The following SLC24A2 variants were observed in gnomAD, a reference collection of about 807,000 sequenced individuals.
SLC24A2 encodes sodium/potassium/calcium exchanger 2.
Under a neutral mutation model 62.0 loss-of-function variants are expected in SLC24A2, and 36 were observed. That is an observed-to-expected ratio of 0.58 (90% CI 0.44 to 0.77). The LOEUF is 0.77. SLC24A2 is among the 30% of genes least tolerant of loss of function. The pLI is 0.00. For synonymous variants in SLC24A2, 358 were observed against 294.0 expected (o/e 1.22, Z -2.23); for missense variants, 846 against 817.9 (o/e 1.03, Z -0.42).
rs1453920125 is a variant in SLC24A2, at chr9:19,788,731, G to A, written c.-154+154C>T. On this transcript the variant is annotated intron_variant, in intron 1 of 10. Transcript: ENST00000341998. ...AAATCCACGCCCCGGAGCACAGAGA[G>A]TTGGCTAACTCCTAGCGGGGCCTGG... 6.1e-6 allele frequency: 6 copies of A among 985,334 alleles called. No homozygotes were observed. The African/African-American group carries it at 7.0e-5, about 11-fold the overall frequency. The allele number at this position is 985,334 out of a possible 1,614,324, so 61.0% of individuals were successfully genotyped here.
At chr9:20,142,007 T>G in the SLC24A2 span, among the ~76,000 whole-genome samples, 2 of 152,082 alleles carry the variant, frequency 1.3e-5, no homozygotes, top group Non-Finnish European at 2.9e-5. Flanking sequence ...TATTGGAACC[T>G]GGGAGGCAGA....
the SLC24A2 span, among the ~76,000 whole-genome samples, chr9:20,091,507 C>A: frequency 6.6e-6 from 1 of 151,838 alleles, no homozygotes; most frequent in Non-Finnish European, 1.5e-5. Flanking sequence ...CACCTCTCAG[C>A]AGAAACCCTA....
the SLC24A2 span, among the ~76,000 whole-genome samples, chr9:20,285,695 G>C: frequency 6.6e-6 from 1 of 152,360 alleles, no homozygotes; most frequent in South Asian, 2.1e-4. Context: ...TCTGGGTCCA[G>C]TCAAGTTGAC....
intron 2 of SLC24A2, among the ~76,000 whole-genome samples, chr9:19,744,399 G>T (rs1309264242): frequency 6.6e-6 from 1 of 152,080 alleles, no homozygotes; most frequent in Non-Finnish European, 1.5e-5. Context: ...AGCATCTTCA[G>T]TTCTTCTCTA....
At position 19,688,423 on chromosome 9, in the gene SLC24A2, C is replaced by T. The variant is rs527777162; in HGVS notation, c.931-66124G>A. ...TGGGTATCATTTGGTAGACTTACTA[C>T]ACATTTGTTAATCTTTGTTTGAACA... On this transcript the variant is annotated intron_variant, in intron 2 of 10. Transcript: ENST00000341998. 6.6e-5 allele frequency among the ~76,000 whole-genome samples: 10 copies of T among 152,228 alleles called. No homozygotes were observed. In the South Asian group the frequency reaches 8.3e-4, roughly 13 times the overall value.
intron 4 of SLC24A2, among the ~76,000 whole-genome samples, chr9:19,618,935 T>C (rs570918769): frequency 3.3e-5 from 5 of 152,334 alleles, no homozygotes; most frequent in African/African-American, 7.2e-5. Context: ...TTTGGCCTCA[T>C]TGTGACTGAG....
chr9:19,954,247 C>A, the SLC24A2 span, among the ~76,000 whole-genome samples: 1 of 152,058 alleles, frequency 6.6e-6, no homozygotes, highest in Non-Finnish European at 1.5e-5. Context: ...ATAGCAGAGT[C>A]CTGGGGATAC....
At chr9:19,588,178 C>CTTTTTTTT (rs3085622) in intron 5 of SLC24A2, among the ~76,000 whole-genome samples, 18 of 121,642 alleles carry the variant, frequency 1.5e-4, no homozygotes, top group Admixed American at 2.5e-4. Flanking sequence ...TTCTTTTTTT[C>CTTTTTTTT]TTTTTTTTTT....
At chr9:20,290,536 C>T in the SLC24A2 span, among the ~76,000 whole-genome samples, 2 of 152,208 alleles carry the variant, frequency 1.3e-5, no homozygotes, top group African/African-American at 2.4e-5. Flanking sequence ...CTGGCTGGTG[C>T]AAAATGTGTG....
the SLC24A2 span, among the ~76,000 whole-genome samples, chr9:20,019,244 A>G: frequency 1.4e-5 from 2 of 146,422 alleles, no homozygotes; most frequent in Admixed American, 1.4e-4. Context: ...AGAAAAAGAA[A>G]GAAGGAAAGA....
the SLC24A2 span, among the ~76,000 whole-genome samples, chr9:20,069,365 G>T: frequency 6.6e-6 from 1 of 152,036 alleles, no homozygotes; most frequent in Admixed American, 6.6e-5. Flanking sequence ...TAATCTTCCC[G>T]TGACAGCACT....
chr9:19,592,495 C>CACCTACCT (rs34178915), intron 5 of SLC24A2, among the ~76,000 whole-genome samples: 5 of 70,580 alleles, frequency 7.1e-5, no homozygotes, highest in South Asian at 3.0e-4. Flanking sequence ...CCTACCTACC[C>CACCTACCT]ACCTACCTAC....
the SLC24A2 span, among the ~76,000 whole-genome samples, chr9:19,839,196 A>C: frequency 1.3e-5 from 2 of 152,234 alleles, no homozygotes; most frequent in African/African-American, 4.8e-5. Context: ...ATGAGGTACC[A>C]TCTCACACCA....
chr9:19,673,445 G>GTGTGTA lies in SLC24A2; in HGVS notation c.931-51147_931-51146insTACACA, dbSNP rs200605803. On this transcript the variant is annotated intron_variant, in intron 2 of 10. Transcript: ENST00000341998. The stretch of plus-strand genomic sequence containing the variant: ...TTCTTGTGTGTGTATGTGTGTGTGC[G>GTGTGTA]TGTGTGTGTGTGTGTGTGTTTGAGA... Among the ~76,000 whole-genome samples the GTGTGTA allele has an allele frequency of 1.8e-4, 4 of 21,828 alleles. 1 individual carries two copies. The highest frequency in any genetic ancestry group is 3.8e-3 in the South Asian group (2 of 522). 14.3% of individuals were successfully genotyped at this position (21,828 alleles called of 152,430 possible).
intron 8 of SLC24A2, among the ~76,000 whole-genome samples, chr9:19,546,013 C>A (rs375024420): frequency 6.6e-6 from 1 of 152,332 alleles, no homozygotes; most frequent in East Asian, 1.9e-4. Context: ...CCCTGTTTGC[C>A]TGGATATCAC....
chr9:19,657,722 T>C (rs555939637), intron 2 of SLC24A2, among the ~76,000 whole-genome samples: 1 of 152,266 alleles, frequency 6.6e-6, no homozygotes, highest in East Asian at 1.9e-4. Flanking sequence ...CCTCAGTCTT[T>C]TACTTTCTTT....
At chr9:20,073,655 T>C in the SLC24A2 span, among the ~76,000 whole-genome samples, 1 of 152,204 alleles carries the variant, frequency 6.6e-6, no homozygotes, top group East Asian at 1.9e-4. Context: ...TGTGTATATT[T>C]AACTTCCACA....
At chr9:19,831,098 A>G in the SLC24A2 span, among the ~76,000 whole-genome samples, 1 of 152,188 alleles carries the variant, frequency 6.6e-6, no homozygotes, top group African/African-American at 2.4e-5. Context: ...TACTAATCCC[A>G]TTCATGGGGG....
At chr9:19,822,565 C>T in the SLC24A2 span, among the ~76,000 whole-genome samples, 1 of 152,050 alleles carries the variant, frequency 6.6e-6, no homozygotes, top group African/African-American at 2.4e-5. Flanking sequence ...TACTCTTCAC[C>T]ATGAAGTTGC....
Sources: allele counts gnomAD v4.1 joint callset (sites outside exome capture counted in the v4.1 genomes callset), GRCh38; gene constraint gnomAD v4.1.1; transcripts MANE v1.5; gene names NCBI Gene and HGNC (gene_info 2026-07-23, HGNC 2026-07-21).